KIT: variants seen among roughly 807,000 people sequenced by gnomAD.
KIT encodes the protein KIT proto-oncogene, receptor tyrosine kinase.
Under a neutral mutation model 105.7 loss-of-function variants are expected in KIT, and 16 were observed. That is an observed-to-expected ratio of 0.15 (90% CI 0.10 to 0.23). The LOEUF is 0.23. KIT is among the 10% of genes least tolerant of loss of function. The pLI, the probability that KIT is intolerant of heterozygous loss-of-function variation, is 1.00. For synonymous variants in KIT, 438 were observed against 441.1 expected, an observed-to-expected ratio of 0.99 and a Z score of 0.09; for missense variants, 858 against 1,213.8, an observed-to-expected ratio of 0.71 and a Z score of 4.36.
At chr4:54,705,306 G>A (rs1316108684) in intron 5 of KIT, among the ~76,000 whole-genome samples, 1 of 152,194 alleles carries the variant, frequency 6.6e-6, no homozygotes, top group African/African-American at 2.4e-5. Context: ...TTTTGAGAAT[G>A]GGTTGAGGTG....
chr4:54,679,451 T>A (rs540323459), intron 1 of KIT, among the ~76,000 whole-genome samples: 2 of 152,306 alleles, frequency 1.3e-5, no homozygotes, highest in Non-Finnish European at 1.5e-5. Flanking sequence ...TTTTACTTCC[T>A]TTGGTATAAA....
At chr4:54,710,155 A>G (rs1399352102) in intron 7 of KIT, among the ~76,000 whole-genome samples, 1 of 152,198 alleles carries the variant, frequency 6.6e-6, no homozygotes, top group Non-Finnish European at 1.5e-5. Flanking sequence ...GCAGCCCACC[A>G]TGTCTTAGAG....
chr4:54,687,438 C>G lies in KIT; in HGVS notation c.68-8074C>G, dbSNP rs1719392027. 2.0e-5 allele frequency among the ~76,000 whole-genome samples: 3 copies of G among 151,392 alleles called. No individual in the cohort carries two copies. In the South Asian group the frequency reaches 6.3e-4, roughly 32 times the overall value. ...GGGCGACGACAGAGCAAGACCCCAT[C>G]TCCAAAAAAAAAATAAAAAAAAGAC... is the stretch of plus-strand genomic sequence containing the variant. On this transcript the variant is annotated intron_variant, in intron 1 of 20. Coordinates refer to ENST00000288135, the MANE Select transcript of KIT (RefSeq NM_000222.3).
intron 1 of KIT, among the ~76,000 whole-genome samples, chr4:54,681,025 A>G (rs1718875741): frequency 1.3e-5 from 2 of 152,124 alleles, no homozygotes; most frequent in Non-Finnish European, 1.5e-5. Flanking sequence ...GTCTTTGACT[A>G]GTGTGGCTGA....
chr4:54,679,300 C>T (rs1404730029), intron 1 of KIT, among the ~76,000 whole-genome samples: 1 of 152,146 alleles, frequency 6.6e-6, no homozygotes, highest in Non-Finnish European at 1.5e-5. Flanking sequence ...GGAGATTTGC[C>T]TCTGCTTGTT....
At chr4:54,687,303 T>C (rs1488247969) in intron 1 of KIT, among the ~76,000 whole-genome samples, 1 of 151,914 alleles carries the variant, frequency 6.6e-6, no homozygotes. Context: ...CCGGGTATGG[T>C]TATGTGCCCC....
chr4:54,727,735 C>A (rs937381228), intron 11 of KIT, 88 bp from the exon 12 acceptor site: 1 of 1,313,752 alleles, frequency 7.6e-7, no homozygotes, highest in African/African-American at 1.5e-5. Context: ...GTTTTTAATT[C>A]CTTTATTGAT....
intron 8 of KIT, among the ~76,000 whole-genome samples, chr4:54,725,161 A>G (rs568806295): frequency 3.1e-4 from 47 of 152,114 alleles, no homozygotes; most frequent in African/African-American, 1.0e-3. Flanking sequence ...CTGGAGTGCA[A>G]TGGAGTGATC....
chr4:54,730,807 G>T (rs1722536669), intron 14 of KIT, among the ~76,000 whole-genome samples: 1 of 152,104 alleles, frequency 6.6e-6, no homozygotes, highest in Non-Finnish European at 1.5e-5. Context: ...GCCAAATGTT[G>T]CAGATTGAAG....
At chr4:54,709,302 C>T in intron 6 of KIT, 122 bp from the exon 7 acceptor site, 1 of 712,566 alleles carries the variant, frequency 1.4e-6, no homozygotes, top group Non-Finnish European at 2.6e-6. Context: ...CTAATACTTA[C>T]TGAATTAAAT....
intron 17 of KIT, 111 bp downstream of exon 17, chr4:54,733,303 C>A: frequency 1.6e-6 from 2 of 1,231,244 alleles, no homozygotes; most frequent in Non-Finnish European, 2.4e-6. Flanking sequence ...AGGGATATCA[C>A]ACATTTTAGC....
At chr4:54,694,480 C>T (rs756984278) in intron 1 of KIT, among the ~76,000 whole-genome samples, 7 of 152,130 alleles carry the variant, frequency 4.6e-5, no homozygotes, top group Non-Finnish European at 8.8e-5. Context: ...CCTCCCGCCT[C>T]AGCCTCCCAT....
rs866645500 is a variant in KIT at position 54,695,654 on chromosome 4, C to T, written c.210C>T (p.Ile70=). The T allele has an allele frequency of 6.2e-7, 1 of 1,614,182 alleles. No homozygotes were observed. Among genetic ancestry groups the T allele is most frequent in the Non-Finnish European group, 8.5e-7 (1 of 1,180,034 alleles). Residue 70 remains isoleucine, a synonymous_variant, in exon 2 of 21, where the codon ATC becomes ATT. Transcript: ENST00000288135. ...GCTTTGTCAAATGGACTTTTGAGAT[C>T]CTGGATGAAACGAATGAGAATAAGC... ...DPGFVKWTFE[I]LDETNENKQN... is the part of the protein sequence containing the mutation.
intron 4 of KIT, 131 bp downstream of exon 4, chr4:54,699,897 T>C (rs911436216): frequency 1.1e-6 from 1 of 930,120 alleles, no homozygotes; most frequent in Non-Finnish European, 1.7e-6. Flanking sequence ...TGGGAGAGTG[T>C]TGGGATTGCA....
chr4:54,664,265 TG>T (rs1389463446), intron 1 of KIT, among the ~76,000 whole-genome samples: 5 of 152,180 alleles, frequency 3.3e-5, no homozygotes, highest in African/African-American at 1.2e-4. Flanking sequence ...GTATGATGGC[TG>T]GGGGTAGGGA....
At chr4:54,677,845 A>G (rs1379909745) in intron 1 of KIT, among the ~76,000 whole-genome samples, 1 of 152,220 alleles carries the variant, frequency 6.6e-6, no homozygotes, top group Non-Finnish European at 1.5e-5. Flanking sequence ...AAGCTTGACA[A>G]TAGCTTATAA....
chr4:54,682,975 CTCCTGGTCTCAAGT>C (rs1719057462), intron 1 of KIT, among the ~76,000 whole-genome samples: 1 of 151,960 alleles, frequency 6.6e-6, no homozygotes, highest in Non-Finnish European at 1.5e-5. Flanking sequence ...TGGTCTCAAA[CTCCTGGTCTCAAGT>C]GATCCTCCCG....
At chr4:54,696,414 G>C (rs1014769352) in intron 2 of KIT, among the ~76,000 whole-genome samples, 3 of 152,136 alleles carry the variant, frequency 2.0e-5, no homozygotes, top group East Asian at 1.9e-4. Context: ...AGCATGCTGG[G>C]CAGGGGTGTA....
intron 2 of KIT, among the ~76,000 whole-genome samples, chr4:54,696,354 A>G (rs1720065033): frequency 6.6e-6 from 1 of 152,194 alleles, no homozygotes; most frequent in Non-Finnish European, 1.5e-5. Flanking sequence ...TTTATTTCCT[A>G]TGACAAGTTC....
Sources: allele counts gnomAD v4.1 joint callset (sites outside exome capture counted in the v4.1 genomes callset), GRCh38; gene constraint gnomAD v4.1.1; transcripts MANE v1.5; gene names NCBI Gene and HGNC (gene_info 2026-07-23, HGNC 2026-07-21).